Variants in CADM1 observed in about 807,000 individuals in gnomAD.
CADM1 encodes the protein TSLC-1.
Under a neutral mutation model 53.1 loss-of-function variants are expected in CADM1, and 15 were observed. The observed-to-expected ratio is 0.28, with a 90% CI of 0.19 to 0.44. The LOEUF is 0.44. Ranked by LOEUF, CADM1 falls within the 20% of genes least tolerant of loss-of-function variation. The pLI is 1.00. For missense variants in CADM1, 434 were observed against 611.3 expected, an observed-to-expected ratio of 0.71 and a Z score of 3.06; for synonymous variants, 281 against 243.0, an observed-to-expected ratio of 1.16 and a Z score of -1.45.
Position 115,504,316 on chromosome 11 carries a change from G to A in CADM1, c.79C>T (p.Arg27Trp), listed in dbSNP as rs1275055807. Residue 27 changes from arginine to tryptophan, a missense_variant, in exon 1 of 12, where the codon CGG (arginine) becomes TGG (tryptophan). This residue lies in a region of CADM1 where 76 missense variants were observed against 59.8 expected (regional missense o/e 1.27). Transcript: ENST00000331581. ...GCGGAGAAGAGCAACAGCAGAAGCC[G>A]GAGCCGGAGCCCGGGAGGCGCCGCC... ...AAAAPPGLRLRLLLLLFSAAA... is the reference protein window; with the variant it reads ...AAAAPPGLRLWLLLLLFSAAA... 2 of 1,506,528 alleles carry A rather than the reference G, an allele frequency of 1.3e-6. No individual in the cohort carries two copies. Among genetic ancestry groups the A allele is most frequent in the East Asian group, 2.4e-5 (1 of 41,298 alleles). The allele number at this position is 1,506,528 out of a possible 1,614,324, so 93.3% of individuals were successfully genotyped here. A position where few individuals can be genotyped will look rare whatever the true frequency, so the allele number is the denominator to read the frequency against.
At chr11:115,200,554 G>T (rs1342263547) in intron 8 of CADM1, among the ~76,000 whole-genome samples, 1 of 151,970 alleles carries the variant, frequency 6.6e-6, no homozygotes, top group Non-Finnish European at 1.5e-5. Context: ...GGAGAGCAAC[G>T]GCGTGATCTT....
chr11:115,503,258 C>T (rs1949771489), intron 1 of CADM1, among the ~76,000 whole-genome samples: 1 of 152,224 alleles, frequency 6.6e-6, no homozygotes, highest in Admixed American at 6.5e-5. Flanking sequence ...CGCCAACGCG[C>T]CCGGCACACG....
intron 1 of CADM1, among the ~76,000 whole-genome samples, chr11:115,406,646 G>A (rs1947320863): frequency 6.7e-6 from 1 of 149,710 alleles, no homozygotes; most frequent in Non-Finnish European, 1.5e-5. Flanking sequence ...TAAGCAATTT[G>A]TATGTTAAGA....
At chr11:115,449,364 G>A (rs1449783161) in intron 1 of CADM1, among the ~76,000 whole-genome samples, 1 of 152,176 alleles carries the variant, frequency 6.6e-6, no homozygotes, top group Non-Finnish European at 1.5e-5. Context: ...TGCTCAACTT[G>A]TCAGCATTTT....
In CADM1 at chr11:115,254,593, C is replaced by G. The variant is rs78640018; in HGVS notation, c.125-14173G>C. ...ACACACACACACACACACACACACACAGAGACAACAAACGCATACTTGTAA... is the reference window on the plus strand; with the variant it reads ...ACACACACACACACACACACACACAGAGAGACAACAAACGCATACTTGTAA... On this transcript the variant is annotated intron_variant, in intron 1 of 11. Transcript: ENST00000331581. Among the ~76,000 whole-genome samples the G allele has an allele frequency of 2.5e-3, 346 of 136,404 alleles. 3 individuals are homozygous for G. The highest frequency in any genetic ancestry group is 8.9e-3 in the African/African-American group (306 of 34,380). 89.5% of individuals were successfully genotyped at this position (136,404 alleles called of 152,430 possible). A position where few individuals can be genotyped will look rare whatever the true frequency, so the allele number is the denominator to read the frequency against.
chr11:115,234,867 T>G (rs1434667597), intron 3 of CADM1, among the ~76,000 whole-genome samples: 1 of 116,552 alleles, frequency 8.6e-6, no homozygotes, highest in Non-Finnish European at 1.6e-5. Flanking sequence ...CACTCCAGCC[T>G]GGGCGACACA....
At chr11:115,229,499 C>G (rs1941742884) in intron 4 of CADM1, among the ~76,000 whole-genome samples, 1 of 152,118 alleles carries the variant, frequency 6.6e-6, no homozygotes, top group Non-Finnish European at 1.5e-5. Flanking sequence ...ATTTCAAGTC[C>G]AAATACCATA....
At chr11:115,358,715 CACA>C (rs755460567) in intron 1 of CADM1, among the ~76,000 whole-genome samples, 31 of 152,110 alleles carry the variant, frequency 2.0e-4, no homozygotes, top group Non-Finnish European at 3.8e-4. Flanking sequence ...AAACATATTG[CACA>C]ACAAGATCAC....
chr11:115,210,784 C>A (rs1306328651), intron 7 of CADM1, among the ~76,000 whole-genome samples: 4 of 152,096 alleles, frequency 2.6e-5, no homozygotes, highest in African/African-American at 9.7e-5. Flanking sequence ...GTGCAACTTC[C>A]CAAAAGTTTA....
chr11:115,504,313 G>T lies in CADM1; in HGVS notation c.82C>A (p.Leu28Ile). 6.6e-7 allele frequency: 1 copy of T among 1,506,228 alleles called. No homozygotes were observed. Among genetic ancestry groups the T allele is most frequent in the Non-Finnish European group, 9.0e-7 (1 of 1,108,698 alleles). The allele number at this position is 1,506,228 out of a possible 1,614,324, so 93.3% of individuals were successfully genotyped here. A position where few individuals can be genotyped will look rare whatever the true frequency, so the allele number is the denominator to read the frequency against. The change falls in exon 1 of 12, where the codon CTT becomes ATT. Residue 28 changes from leucine to isoleucine, a missense_variant. By Grantham distance (5) the Leu-to-Ile change is conservative. Transcript: ENST00000331581. ...GCGGCGGAGAAGAGCAACAGCAGAA[G>T]CCGGAGCCGGAGCCCGGGAGGCGCC... ...AAAPPGLRLRLLLLLFSAAAL... is the reference protein window; with the variant it reads ...AAAPPGLRLRILLLLFSAAAL...
chr11:115,225,139 GA>G (rs1279834034), intron 5 of CADM1, among the ~76,000 whole-genome samples: 1 of 152,114 alleles, frequency 6.6e-6, no homozygotes, highest in African/African-American at 2.4e-5. Context: ...AAAACTAAGA[GA>G]CCTACTGTAT....
At chr11:115,284,008 G>A (rs1464955650) in intron 1 of CADM1, among the ~76,000 whole-genome samples, 1 of 151,866 alleles carries the variant, frequency 6.6e-6, no homozygotes, top group Non-Finnish European at 1.5e-5. Context: ...CTGAAAAATG[G>A]TAAAATTATT....
chr11:115,361,252 C>T (rs1946022456), intron 1 of CADM1, among the ~76,000 whole-genome samples: 1 of 152,124 alleles, frequency 6.6e-6, no homozygotes. Context: ...TAAACTAGAG[C>T]TACTGACAGG....
chr11:115,267,518 C>T (rs901166808), intron 1 of CADM1, among the ~76,000 whole-genome samples: 2 of 152,110 alleles, frequency 1.3e-5, no homozygotes, highest in African/African-American at 4.8e-5. Flanking sequence ...AATGCCATAC[C>T]ATTGTGGGAG....
At chr11:115,200,002 C>T (rs1940344769) in intron 8 of CADM1, among the ~76,000 whole-genome samples, 1 of 152,152 alleles carries the variant, frequency 6.6e-6, no homozygotes, top group Admixed American at 6.5e-5. Flanking sequence ...CACATGAATT[C>T]ACACCGGCAT....
intron 5 of CADM1, among the ~76,000 whole-genome samples, chr11:115,220,508 T>G (rs2134792049): frequency 6.6e-6 from 1 of 152,340 alleles, no homozygotes; most frequent in Non-Finnish European, 1.5e-5. Context: ...TGGAGAAACA[T>G]CTACTATCTA....
chr11:115,176,679 C>T (rs1463833050), intron 11 of CADM1, 87 bp from the exon 12 acceptor site: 1 of 1,097,232 alleles, frequency 9.1e-7, no homozygotes, highest in Non-Finnish European at 1.4e-6. Flanking sequence ...TTATGGCCAT[C>T]ATCAGCCGAA....
At chr11:115,471,718 C>T (rs71476287) in intron 1 of CADM1, among the ~76,000 whole-genome samples, 53 of 152,180 alleles carry the variant, frequency 3.5e-4, no homozygotes, top group Non-Finnish European at 6.8e-4. Context: ...GGGCTGAGAT[C>T]GGAGGAGAGA....
chr11:115,423,786 A>T (rs1029073999), intron 1 of CADM1, among the ~76,000 whole-genome samples: 1 of 152,182 alleles, frequency 6.6e-6, no homozygotes, highest in Non-Finnish European at 1.5e-5. Flanking sequence ...TATTTCTCCA[A>T]GCGTGAAAAG....
Sources: gnomAD v4.1 joint callset for allele counts (sites outside exome capture counted in the v4.1 genomes callset) on GRCh38, gnomAD v4.1.1 for gene constraint, gnomAD v4.1.1 regional missense constraint, MANE v1.5 for transcripts, NCBI Gene and HGNC (gene_info 2026-07-23, HGNC 2026-07-21) for gene names.